RELN: variants seen among roughly 807,000 people sequenced by gnomAD.
RELN encodes reelin.
A neutral mutation model predicts 427.6 loss-of-function variants in RELN; 108 were observed. The ratio of observed to expected loss-of-function variants is 0.25; its 90% confidence interval spans 0.22 to 0.30. The LOEUF is 0.30. Ranked by LOEUF, RELN falls within the 10% of genes least tolerant of loss-of-function variation. The pLI is 1.00. For synonymous variants in RELN, 1,524 were observed against 1,513.4 expected, an observed-to-expected ratio of 1.01 and a Z score of -0.16; for missense variants, 3,715 against 4,302.8, an observed-to-expected ratio of 0.86 and a Z score of 3.82.
Position 103,749,440 on chromosome 7 carries a change from T to G in RELN, c.642A>C (p.Leu214Phe). 6.2e-7 allele frequency: 1 copy of G among 1,612,700 alleles called. No individual in the cohort carries two copies. The highest frequency in any genetic ancestry group is 8.5e-7 in the Non-Finnish European group (1 of 1,178,752). Residue 214 changes from leucine (L) to phenylalanine (F), a missense_variant, in exon 6 of 65, where the codon TTA becomes TTC. Leu to Phe is a conservative substitution (Grantham distance 22). Around this residue, in one of 4 missense-constraint regions of RELN, gnomAD observed 2,208 missense variants for 2,361.7 expected, o/e 0.93. Transcript: ENST00000428762. Reference protein sequence around the residue: ...DDFDSYHQLQLNPNIWVECNN... With the variant: ...DDFDSYHQLQFNPNIWVECNN... ...CTGTAACTTACCATATATTTGGATT[T>G]AATTGCAGTTGGTGGTAGGAGTCAA...
chr7:103,652,251 C>CTT (rs554972597), intron 14 of RELN, among the ~76,000 whole-genome samples: 2 of 139,956 alleles, frequency 1.4e-5, no homozygotes, highest in South Asian at 2.3e-4. Flanking sequence ...TTTTCAGTTG[C>CTT]TTTTTTTTTT....
chr7:103,704,781 G>A (rs1308210949), intron 8 of RELN, among the ~76,000 whole-genome samples: 1 of 151,858 alleles, frequency 6.6e-6, no homozygotes, highest in Non-Finnish European at 1.5e-5. Context: ...GGGGTTGGCT[G>A]TCCAGTGATT....
chr7:103,707,087 C>T (rs1834219258), intron 8 of RELN, among the ~76,000 whole-genome samples: 1 of 152,080 alleles, frequency 6.6e-6, no homozygotes, highest in African/African-American at 2.4e-5. Flanking sequence ...GATCCTCTCA[C>T]CCCAGCCTTC....
intron 2 of RELN, among the ~76,000 whole-genome samples, chr7:103,916,391 C>A (rs1795482515): frequency 6.6e-6 from 1 of 152,122 alleles, no homozygotes. Flanking sequence ...CCTACATAAA[C>A]TGATATATTA....
At chr7:103,685,366 G>C (rs56231792) in intron 10 of RELN, among the ~76,000 whole-genome samples, 422 of 151,972 alleles carry the variant, frequency 2.8e-3, no homozygotes, top group East Asian at 0.02. Flanking sequence ...ATGAGCTCTT[G>C]ATATGAAAAA....
chr7:103,883,665 A>T (rs898082526), intron 2 of RELN, among the ~76,000 whole-genome samples: 1 of 152,234 alleles, frequency 6.6e-6, no homozygotes, highest in African/African-American at 2.4e-5. Flanking sequence ...TCAAATCATG[A>T]GTGAACTACC....
At position 103,630,166 on chromosome 7, in the gene RELN, C is replaced by A. The variant is rs369844245; in HGVS notation, c.2476G>T (p.Val826Leu). The change falls in exon 20 of 65, where the codon GTA becomes TTA. Residue 826 changes from valine (V) to leucine (L), a missense_variant. This residue lies in a region of RELN where 2,208 missense variants were observed against 2,361.7 expected (regional missense o/e 0.93). Transcript: ENST00000428762. ...LSYHEPRIIS[V>L]ELPGDAKQFG... ...TGCTTTGCATCACCTGGTAGTTCTACGGAGATTATTCTAGAGAAAAAAAAA... is the reference window on the plus strand; with the variant it reads ...TGCTTTGCATCACCTGGTAGTTCTAAGGAGATTATTCTAGAGAAAAAAAAA... 6.2e-7 allele frequency: 1 copy of A among 1,601,670 alleles called. No individual in the cohort carries two copies. Among genetic ancestry groups the A allele is most frequent in the Non-Finnish European group, 8.5e-7 (1 of 1,170,346 alleles).
rs1319983959 is a variant in RELN at position 103,574,267 on chromosome 7, T to A, written c.4336A>T (p.Asn1446Tyr). ...AACCTATCGAACATCTCATTGTGAT[T>A]GGGGACATTTGACACACAGGTTCCT... ...AQGTCVSNVP[N>Y]HNEMFDRFEG... Residue 1446 changes from asparagine to tyrosine, a missense_variant, in exon 30 of 65, where the codon AAT becomes TAT. By Grantham distance (143) the Asn-to-Tyr change is moderately radical (BLOSUM62 -2). Transcript: ENST00000428762. 2.5e-6 allele frequency: 4 copies of A among 1,614,130 alleles called. No homozygotes were observed. In the Admixed American group the frequency reaches 5.0e-5, roughly 20 times the overall value.
At chr7:103,710,454 T>C (rs1302810509) in intron 8 of RELN, among the ~76,000 whole-genome samples, 3 of 152,250 alleles carry the variant, frequency 2.0e-5, no homozygotes, top group Non-Finnish European at 4.4e-5. Flanking sequence ...ACAGTGCTGA[T>C]GCATCCAGCA....
chr7:103,743,265 C>G (rs967533097), intron 6 of RELN, among the ~76,000 whole-genome samples: 1 of 152,078 alleles, frequency 6.6e-6, no homozygotes, highest in East Asian at 1.9e-4. Context: ...GAAGGAGGTA[C>G]TAAACATGGA....
intron 42 of RELN, among the ~76,000 whole-genome samples, chr7:103,544,287 A>G (rs1219654215): frequency 8.6e-6 from 1 of 116,938 alleles, no homozygotes; most frequent in African/African-American, 3.3e-5. Context: ...CGCCCAGGCT[A>G]GAGTGCAGTG....
intron 1 of RELN, among the ~76,000 whole-genome samples, chr7:103,936,743 GACACACACACAC>G (rs57505374): frequency 3.0e-4 from 42 of 139,770 alleles, no homozygotes; most frequent in African/African-American, 9.4e-4. Flanking sequence ...CAGACAGACA[GACACACACACAC>G]ACACACACAC....
At chr7:103,621,703 A>C (rs1218503098) in intron 20 of RELN, among the ~76,000 whole-genome samples, 1 of 152,166 alleles carries the variant, frequency 6.6e-6, no homozygotes, top group Non-Finnish European at 1.5e-5. Flanking sequence ...TTTGTGAACC[A>C]CTGTCCATAG....
intron 2 of RELN, among the ~76,000 whole-genome samples, chr7:103,874,322 C>T (rs1365889962): frequency 7.4e-6 from 1 of 135,914 alleles, no homozygotes; most frequent in African/African-American, 2.6e-5. Flanking sequence ...TCTCTCACCA[C>T]TCCTATTCAA....
chr7:103,613,290 C>T (rs1247872929), intron 20 of RELN, among the ~76,000 whole-genome samples: 1 of 152,088 alleles, frequency 6.6e-6, no homozygotes, highest in African/African-American at 2.4e-5. Context: ...AAAAACACTG[C>T]AGTTTGGAAT....
At position 103,498,706 on chromosome 7, in the gene RELN, G is replaced by A. The variant is rs918785405; in HGVS notation, c.8668-454C>T. Among the ~76,000 whole-genome samples, 13 of 152,036 alleles carry A rather than the reference G, an allele frequency of 8.6e-5. No homozygotes were observed. The East Asian group carries it at 2.5e-3, about 29-fold the overall frequency. Reference sequence around the variant, plus strand: ...GGGGTTTCACCATGTTGGCTAGGCTGGTCTCGAATCCCTGACCTCAAGTGA... The same window carrying A: ...GGGGTTTCACCATGTTGGCTAGGCTAGTCTCGAATCCCTGACCTCAAGTGA... On this transcript the variant is annotated intron_variant, in intron 53 of 64. Coordinates refer to ENST00000428762, the MANE Select transcript of RELN (RefSeq NM_005045.4).
intron 3 of RELN, among the ~76,000 whole-genome samples, chr7:103,777,788 C>A (rs1791781578): frequency 1.3e-5 from 2 of 152,060 alleles, no homozygotes; most frequent in Admixed American, 6.5e-5. Flanking sequence ...GGACCCAAGT[C>A]TCTGAAGGTA....
chr7:103,649,706 A>G (rs777781814), intron 16 of RELN, among the ~76,000 whole-genome samples: 1 of 151,120 alleles, frequency 6.6e-6, no homozygotes, highest in Non-Finnish European at 1.5e-5. Flanking sequence ...CTTTAAAATG[A>G]TGCAAAATTC....
Position 103,490,807 on chromosome 7 carries a change from G to C in RELN, c.9466C>G (p.Gln3156Glu), listed in dbSNP as rs189008268. Residue 3156 changes from glutamine to glutamate, a missense_variant, in exon 59 of 65, where the codon CAG becomes GAG. Coordinates refer to ENST00000428762, the MANE Select transcript of RELN (RefSeq NM_005045.4). ...GAAGAGGAAGGAAGGCACTGGGTCTGTACGAGCTGCCAGGAATCCGATCTG... is the reference window on the plus strand; with the variant it reads ...GAAGAGGAAGGAAGGCACTGGGTCTCTACGAGCTGCCAGGAATCCGATCTG... ...DARSDSWQLVQTQCLPSSSNS... is the reference protein window; with the variant it reads ...DARSDSWQLVETQCLPSSSNS... The C allele has an allele frequency of 5.0e-6, 8 of 1,614,172 alleles. No homozygotes were observed. In the African/African-American group the frequency reaches 9.3e-5, roughly 19 times the overall value.
Sources: allele counts gnomAD v4.1 joint callset (sites outside exome capture counted in the v4.1 genomes callset), GRCh38; gene constraint gnomAD v4.1.1; regional missense constraint gnomAD v4.1.1; transcripts MANE v1.5; gene names NCBI Gene and HGNC (gene_info 2026-07-23, HGNC 2026-07-21).